Variants in ANKRD11 observed in about 807,000 individuals in gnomAD.
ANKRD11 encodes ankyrin repeat domain 11.
Under a neutral mutation model 195.7 loss-of-function variants are expected in ANKRD11, and 17 were observed. The observed-to-expected ratio is 0.09, with a 90% CI of 0.06 to 0.13. ANKRD11 has a LOEUF of 0.13. ANKRD11 is among the 10% of genes least tolerant of loss of function. The pLI is 1.00. For missense variants in ANKRD11, 3,735 were observed against 3,566.1 expected, an observed-to-expected ratio of 1.05 and a Z score of -1.21; for synonymous variants, 1,953 against 1,528.1, an observed-to-expected ratio of 1.28 and a Z score of -6.49.
intron 2 of ANKRD11, among the ~76,000 whole-genome samples, chr16:89,363,832 G>C (rs1031253903): frequency 3.3e-5 from 5 of 152,068 alleles, no homozygotes; most frequent in Non-Finnish European, 7.4e-5. Context: ...CGGCAAGGAG[G>C]ACTGACTGAG....
chr16:89,477,194 C>CTTT (rs398030125), intron 1 of ANKRD11, among the ~76,000 whole-genome samples: 4 of 142,356 alleles, frequency 2.8e-5, no homozygotes, highest in Non-Finnish European at 3.1e-5. Flanking sequence ...GTCATTTCCC[C>CTTT]TTTTTTTTTT....
In ANKRD11 at chr16:89,282,541, G is replaced by C. The variant is rs765151001; in HGVS notation, c.4001C>G (p.Pro1334Arg). Residue 1334 changes from proline to arginine, a missense_variant, in exon 9 of 13, where the codon CCG becomes CGG. By Grantham distance (103) the Pro-to-Arg change is moderately radical. Coordinates refer to ENST00000301030, the MANE Select transcript of ANKRD11 (RefSeq NM_013275.6). ...CTCAGGGAGGCAGGCGCTCTCCCTC[G>C]GCTTGTCGTCTCCAGGTGGCTCCGT... ...SFTEPPGDDK[P>R]RESACLPEKL... is the part of the protein sequence containing the mutation. 1.2e-6 allele frequency: 2 copies of C among 1,613,976 alleles called. No homozygotes were observed. Among genetic ancestry groups the C allele is most frequent in the Non-Finnish European group, 1.7e-6 (2 of 1,179,974 alleles).
intron 11 of ANKRD11, chr16:89,273,101 T>C (rs187097520): frequency 3.7e-5 from 5 of 136,308 alleles, no homozygotes; most frequent in Admixed American, 2.9e-4. Context: ...GACAGCACAA[T>C]AGGGTAACTG....
chr16:89,280,971 G>C lies in ANKRD11; in HGVS notation c.5571C>G (p.Leu1857=). The C allele has an allele frequency of 6.4e-7, 1 of 1,571,054 alleles. No individual in the cohort carries two copies. Among genetic ancestry groups the C allele is most frequent in the African/African-American group, 1.4e-5 (1 of 73,652 alleles). ...GCAAAGCGTCGACTTTGGGCGACGG[G>C]AGGCCATAGTCTGGGGAGTAGTACC... is the stretch of plus-strand genomic sequence containing the variant. ...SPGYYSPDYG[L]PSPKVDALHC... The change falls in exon 9 of 13, where the codon CTC becomes CTG. Residue 1857 remains leucine (L), a synonymous_variant. Transcript: ENST00000301030.
chr16:89,450,213 C>G (rs965139871), intron 1 of ANKRD11, among the ~76,000 whole-genome samples: 2 of 152,180 alleles, frequency 1.3e-5, no homozygotes, highest in South Asian at 2.1e-4. Flanking sequence ...GTGCATGGAG[C>G]TGGCTCAGAC....
intron 11 of ANKRD11, among the ~76,000 whole-genome samples, chr16:89,274,101 A>T (rs2033426277): frequency 6.6e-6 from 1 of 152,152 alleles, no homozygotes; most frequent in African/African-American, 2.4e-5. Flanking sequence ...TGGCTGGAGG[A>T]TGATTTCTGA....
At chr16:89,371,795 G>T (rs916150521) in intron 2 of ANKRD11, among the ~76,000 whole-genome samples, 3 of 152,168 alleles carry the variant, frequency 2.0e-5, no homozygotes, top group Admixed American at 6.5e-5. Flanking sequence ...TCAAGGCCAC[G>T]CCCTCTGCCC....
intron 1 of ANKRD11, chr16:89,459,441 T>TA (rs1465725162): frequency 1.3e-5 from 2 of 152,188 alleles, no homozygotes; most frequent in Non-Finnish European, 2.9e-5. Flanking sequence ...CAAAAAAGAC[T>TA]AACTCTAAGC....
intron 2 of ANKRD11, chr16:89,323,117 T>C (rs1028328214): frequency 1.2e-5 from 4 of 334,504 alleles, no homozygotes; most frequent in African/African-American, 6.7e-5. Flanking sequence ...TGCCGGCTGT[T>C]GTGCGCTCCG....
intron 1 of ANKRD11, chr16:89,459,119 A>T: frequency 5.1e-6 from 1 of 195,302 alleles, no homozygotes; most frequent in Non-Finnish European, 1.1e-5. Context: ...TGCTAAGAAT[A>T]AATTCTTGAT....
chr16:89,377,671 G>T (rs888513766), intron 2 of ANKRD11, among the ~76,000 whole-genome samples: 1 of 152,088 alleles, frequency 6.6e-6, no homozygotes, highest in African/African-American at 2.4e-5. Flanking sequence ...GAGGGGAGGG[G>T]TTCCCACGAC....
At chr16:89,389,174 A>G (rs1022597594) in intron 2 of ANKRD11, among the ~76,000 whole-genome samples, 1 of 151,544 alleles carries the variant, frequency 6.6e-6, no homozygotes, top group African/African-American at 2.4e-5. Context: ...ACACGCCACT[A>G]CGTCTGGCTA....
chr16:89,313,152 G>C (rs1332978928), intron 3 of ANKRD11, among the ~76,000 whole-genome samples: 1 of 152,214 alleles, frequency 6.6e-6, no homozygotes. Flanking sequence ...CTCGTCGGAG[G>C]ACACACTTTG....
chr16:89,351,146 G>A (rs1419190274), intron 2 of ANKRD11, among the ~76,000 whole-genome samples: 2 of 152,240 alleles, frequency 1.3e-5, no homozygotes, highest in African/African-American at 2.4e-5. Context: ...ACGATGGCGG[G>A]CACAAGAGCT....
intron 1 of ANKRD11, among the ~76,000 whole-genome samples, chr16:89,483,792 C>T (rs1230783663): frequency 1.6e-5 from 2 of 128,928 alleles, no homozygotes; most frequent in African/African-American, 5.9e-5. Context: ...CATGCCTGGG[C>T]AACAAGAGGG....
rs368985397 is a variant in ANKRD11 at position 89,281,323 on chromosome 16, G to C, written c.5219C>G (p.Ala1740Gly). 6.2e-7 allele frequency: 1 copy of C among 1,613,722 alleles called. No homozygotes were observed. The highest frequency in any genetic ancestry group is 8.5e-7 in the Non-Finnish European group (1 of 1,179,812). The change falls in exon 9 of 13, where the codon GCC becomes GGC. Residue 1740 changes from alanine (A) to glycine (G), a missense_variant. By Grantham distance (60) the Ala-to-Gly change is moderately conservative (BLOSUM62 0). Coordinates refer to ENST00000301030, the MANE Select transcript of ANKRD11 (RefSeq NM_013275.6). The surrounding 1 kb of genome is among the most constrained non-coding windows in gnomAD (Gnocchi z 5.5). ...CACGGGCGTGGAGTGCTGCGAGTCG[G>C]CGCAGTCGAACACGAGGTCCGCGTA... ...DDYADLVFDC[A>G]DSQHSTPVPT...
At chr16:89,423,851 G>C (rs898518217) in intron 1 of ANKRD11, among the ~76,000 whole-genome samples, 4 of 152,198 alleles carry the variant, frequency 2.6e-5, no homozygotes, top group Admixed American at 1.3e-4. Flanking sequence ...GCACCTAGAA[G>C]GTCACAATAA....
At chr16:89,351,798 T>C (rs2039231803) in intron 2 of ANKRD11, among the ~76,000 whole-genome samples, 1 of 152,206 alleles carries the variant, frequency 6.6e-6, no homozygotes, top group African/African-American at 2.4e-5. Context: ...GTGACAGCAA[T>C]GTTCTAGAAC....
intron 11 of ANKRD11, among the ~76,000 whole-genome samples, chr16:89,274,308 G>A (rs1428197038): frequency 5.3e-5 from 8 of 152,190 alleles, no homozygotes; most frequent in African/African-American, 1.9e-4. Flanking sequence ...CCCTGAGTCC[G>A]GCCCGCCCTG....
Sources: gnomAD v4.1 joint callset for allele counts (sites outside exome capture counted in the v4.1 genomes callset) on GRCh38, gnomAD v4.1.1 for gene constraint, Gnocchi (gnomAD v3.1) non-coding constraint, MANE v1.5 for transcripts, NCBI Gene and HGNC (gene_info 2026-07-23, HGNC 2026-07-21) for gene names.